Variants in RARB observed in about 807,000 individuals in gnomAD.
RARB encodes HBV-activated protein.
In RARB, 17 loss-of-function variants were observed where a neutral mutation model predicts 51.9. That is an observed-to-expected ratio of 0.33 (90% CI 0.22 to 0.49). RARB has a LOEUF of 0.49. Among genes scored for constraint, RARB ranks in the 20% least tolerant of loss-of-function variants. RARB has a pLI of 0.99. For missense variants in RARB, 369 were observed against 550.8 expected (o/e 0.67, Z 3.30); for synonymous variants, 215 against 195.4 (o/e 1.10, Z -0.84).
At chr3:25,353,951 C>CTATA (rs973150396) in intron 5 of RARB, among the ~76,000 whole-genome samples, 2 of 152,018 alleles carry the variant, frequency 1.3e-5, no homozygotes, top group African/African-American at 4.8e-5. Flanking sequence ...TATATTATGA[C>CTATA]TATATGTTCA....
At chr3:24,886,296 C>T (rs1042050973) in intron 2 of RARB, among the ~76,000 whole-genome samples, 1 of 152,122 alleles carries the variant, frequency 6.6e-6, no homozygotes, top group African/African-American at 2.4e-5. Context: ...CTGATTCACT[C>T]ATTTCTTTGG....
At chr3:25,032,907 A>G (rs1037262621) in intron 2 of RARB, among the ~76,000 whole-genome samples, 12 of 152,230 alleles carry the variant, frequency 7.9e-5, no homozygotes, top group African/African-American at 2.7e-4. Flanking sequence ...TCGTGGGACA[A>G]TACATTACCT....
At chr3:25,216,894 C>T (rs1701846774) in intron 5 of RARB, among the ~76,000 whole-genome samples, 1 of 151,952 alleles carries the variant, frequency 6.6e-6, no homozygotes, top group African/African-American at 2.4e-5. Flanking sequence ...TGAGATTTTG[C>T]TGATTTCATT....
chr3:25,085,303 T>C (rs1699085767), intron 3 of RARB, among the ~76,000 whole-genome samples: 1 of 152,140 alleles, frequency 6.6e-6, no homozygotes, highest in Non-Finnish European at 1.5e-5. Flanking sequence ...CATGAACTAA[T>C]CATTCTTAGG....
chr3:24,872,590 C>A (rs535340101), intron 2 of RARB, among the ~76,000 whole-genome samples: 6 of 152,138 alleles, frequency 3.9e-5, no homozygotes, highest in Admixed American at 3.3e-4. Context: ...GCTGAAAGAG[C>A]CAGCAAGAGA....
At chr3:24,870,764 T>C (rs1387604331) in intron 2 of RARB, among the ~76,000 whole-genome samples, 2 of 152,120 alleles carry the variant, frequency 1.3e-5, no homozygotes, top group Non-Finnish European at 2.9e-5. Flanking sequence ...GTGTACATAA[T>C]AGGCACATAT....
intron 5 of RARB, among the ~76,000 whole-genome samples, chr3:25,417,617 G>A (rs1812890): frequency 0.42 from 63,777 of 152,018 alleles, 13,768 homozygotes; most frequent in East Asian, 0.69. Context: ...GGCCTCCCCA[G>A]CCTCATGGAA....
intron 3 of RARB, among the ~76,000 whole-genome samples, chr3:25,101,198 C>T (rs551577803): frequency 1.3e-5 from 2 of 152,240 alleles, no homozygotes; most frequent in Admixed American, 6.5e-5. Flanking sequence ...CTAGAGGCTT[C>T]ATCTTATGGC....
At chr3:25,000,873 C>T (rs530933062) in intron 2 of RARB, among the ~76,000 whole-genome samples, 10 of 152,202 alleles carry the variant, frequency 6.6e-5, no homozygotes, top group African/African-American at 2.4e-4. Flanking sequence ...ATTAAGAGCA[C>T]TCATGAAGAT....
At chr3:25,585,556 C>G (rs1701350910) in intron 5 of RARB, among the ~76,000 whole-genome samples, 1 of 152,200 alleles carries the variant, frequency 6.6e-6, no homozygotes, top group Admixed American at 6.5e-5. Flanking sequence ...TAATGATTCA[C>G]TTGTGATTCT....
chr3:25,411,362 C>G (rs1707557262), intron 5 of RARB, among the ~76,000 whole-genome samples: 1 of 152,198 alleles, frequency 6.6e-6, no homozygotes, highest in African/African-American at 2.4e-5. Context: ...TGGTAAAATT[C>G]TACACAATAC....
chr3:25,360,287 A>G (rs573084663), intron 5 of RARB, among the ~76,000 whole-genome samples: 104 of 152,278 alleles, frequency 6.8e-4, no homozygotes, highest in Admixed American at 1.5e-3. Flanking sequence ...ATCAGAGACT[A>G]GGATTGCAAC....
At position 24,832,628 on chromosome 3, in the gene RARB, A is replaced by ATATATATATATATATATAT. The variant is rs1559366440; in HGVS notation, c.-459+3225_-459+3226insTATATATATATATATATAT. Among the ~76,000 whole-genome samples the ATATATATATATATATATAT allele has an allele frequency of 2.5e-3, 221 of 88,404 alleles. 3 individuals are homozygous for ATATATATATATATATATAT. In the Middle Eastern group the frequency reaches 0.03, roughly 12 times the overall value. 58.0% of individuals were successfully genotyped at this position (88,404 alleles called of 152,430 possible). On this transcript the variant is annotated intron_variant, in intron 1 of 11. Transcript: ENST00000383772. ...CTGTATTTAGAAAAAATTGAGTCCC[A>ATATATATATATATATATAT]ATATATATATATATATATATATAAT...
intron 2 of RARB, among the ~76,000 whole-genome samples, chr3:24,927,540 G>A (rs976280947): frequency 1.3e-5 from 2 of 151,860 alleles, no homozygotes; most frequent in East Asian, 3.9e-4. Flanking sequence ...AAAAATTTGG[G>A]TATCTTCAGT....
intron 2 of RARB, among the ~76,000 whole-genome samples, chr3:25,004,109 C>T (rs1559429936): frequency 6.6e-6 from 1 of 152,080 alleles, no homozygotes; most frequent in Non-Finnish European, 1.5e-5. Flanking sequence ...TTTCTCTACC[C>T]TATTGTGCCA....
intron 3 of RARB, among the ~76,000 whole-genome samples, chr3:25,094,915 G>A (rs561912760): frequency 9.9e-5 from 15 of 151,920 alleles, no homozygotes; most frequent in East Asian, 7.8e-4. Flanking sequence ...TTTCACTTTC[G>A]TTTGATGTAT....
At chr3:25,269,934 A>G (rs997744124) in intron 5 of RARB, among the ~76,000 whole-genome samples, 1 of 152,206 alleles carries the variant, frequency 6.6e-6, no homozygotes, top group Non-Finnish European at 1.5e-5. Flanking sequence ...AATTAGGGAA[A>G]GGCAAAATAG....
chr3:25,442,359 C>G (rs1708735961), intron 1 of RARB, among the ~76,000 whole-genome samples: 1 of 152,134 alleles, frequency 6.6e-6, no homozygotes, highest in Non-Finnish European at 1.5e-5. Context: ...TGGTCTCGAA[C>G]TCCTGACCTC....
At chr3:25,192,197 A>G (rs946657558) in intron 5 of RARB, among the ~76,000 whole-genome samples, 3 of 152,262 alleles carry the variant, frequency 2.0e-5, no homozygotes, top group South Asian at 4.1e-4. Context: ...TCTAAGTACA[A>G]CTAAATAACC....
Sources: allele counts gnomAD v4.1 joint callset (sites outside exome capture counted in the v4.1 genomes callset), GRCh38; gene constraint gnomAD v4.1.1; transcripts MANE v1.5; gene names NCBI Gene and HGNC (gene_info 2026-07-23, HGNC 2026-07-21).